The following GPM6A variants were observed in gnomAD, a reference collection of about 807,000 sequenced individuals.
GPM6A encodes the protein glycoprotein M6A, also known as neuronal membrane glycoprotein M6-a.
Under a neutral mutation model 32.1 loss-of-function variants are expected in GPM6A, and 7 were observed. That is an observed-to-expected ratio of 0.22 (90% CI 0.12 to 0.41). The LOEUF (loss-of-function observed/expected upper bound fraction) is 0.41, where lower values mean the gene tolerates loss of function less well. GPM6A is among the 10% of genes least tolerant of loss of function. The pLI is 1.00. For missense variants in GPM6A, 235 were observed against 347.2 expected, an observed-to-expected ratio of 0.68 and a Z score of 2.57; for synonymous variants, 130 against 123.4, an observed-to-expected ratio of 1.05 and a Z score of -0.35.
chr4:175,819,931 G>A (rs539396871), intron 1 of GPM6A, among the ~76,000 whole-genome samples: 2 of 152,250 alleles, frequency 1.3e-5, no homozygotes, highest in South Asian at 4.1e-4. Context: ...ACTTACGATT[G>A]AAGTTAAAAA....
intron 1 of GPM6A, among the ~76,000 whole-genome samples, chr4:175,932,105 A>G (rs1018441444): frequency 2.0e-5 from 3 of 151,600 alleles, no homozygotes; most frequent in Non-Finnish European, 4.4e-5. Context: ...TAGGAAAAAA[A>G]AAAAAAAAGA....
intron 3 of GPM6A, among the ~76,000 whole-genome samples, chr4:175,670,680 G>C (rs1560864450): frequency 6.6e-6 from 1 of 151,976 alleles, no homozygotes; most frequent in Middle Eastern, 3.4e-3. Context: ...GTGGTTTTAC[G>C]TGCCTCAAAT....
At position 175,635,086 on chromosome 4, in the gene GPM6A, G is replaced by C. The variant is rs370485100; in HGVS notation, c.685-29C>G. On this transcript the variant is annotated intron_variant, in intron 6 of 6. Coordinates refer to ENST00000393658, the MANE Select transcript of GPM6A (RefSeq NM_201591.3). The stretch of plus-strand genomic sequence containing the variant: ...ATCAAAGAGAAAAATAATTTATATT[G>C]GAAGTTTGTTCAGTGTCTTCATTAC... 7.0e-5 allele frequency: 112 copies of C among 1,592,494 alleles called. No homozygotes were observed. The African/African-American group carries it at 1.4e-3, about 20-fold the overall frequency.
chr4:175,879,789 T>G (rs112861986), intron 1 of GPM6A, among the ~76,000 whole-genome samples: 38 of 152,322 alleles, frequency 2.5e-4, no homozygotes, highest in African/African-American at 8.9e-4. Context: ...AATATTTTAG[T>G]ATATTATTTG....
rs1297682643 is a variant in GPM6A, at chr4:176,001,409, T to G, written c.-23+900A>C. On this transcript the variant is annotated intron_variant, in intron 1 of 7. Coordinates refer to the GPM6A transcript ENST00000280187. ...GATACGCCAGTCCAGGGATGGCGAG[T>G]GCTTTCTCCTCCCCAGCTTCTCCCT... is the stretch of plus-strand genomic sequence containing the variant. Among the ~76,000 whole-genome samples the G allele has an allele frequency of 4.6e-5, 7 of 152,158 alleles. No homozygotes were observed. In the East Asian group the frequency reaches 1.2e-3, roughly 25 times the overall value.
intron 1 of GPM6A, among the ~76,000 whole-genome samples, chr4:175,976,157 CT>C (rs1355808343): frequency 0.017 from 2,301 of 135,690 alleles, 46 homozygotes; most frequent in African/African-American, 0.053. Context: ...AATATGTCGT[CT>C]TTTTTTTTTT....
intron 1 of GPM6A, among the ~76,000 whole-genome samples, chr4:175,829,917 A>G (rs1169922236): frequency 1.3e-5 from 2 of 152,038 alleles, no homozygotes; most frequent in African/African-American, 4.8e-5. Context: ...TCAGATTTGG[A>G]TACTATAAGA....
At chr4:175,704,364 C>G (rs1745057636) in intron 1 of GPM6A, among the ~76,000 whole-genome samples, 1 of 151,684 alleles carries the variant, frequency 6.6e-6, no homozygotes, top group Admixed American at 6.6e-5. Context: ...CCCCCCCACC[C>G]CACACACACA....
intron 1 of GPM6A, among the ~76,000 whole-genome samples, chr4:175,803,334 C>G (rs1734553212): frequency 6.6e-6 from 1 of 152,074 alleles, no homozygotes; most frequent in Admixed American, 6.5e-5. Flanking sequence ...TAAGAAAAAA[C>G]AGTAAGATAT....
chr4:175,938,330 C>T (rs1579644813), intron 1 of GPM6A, among the ~76,000 whole-genome samples: 1 of 152,316 alleles, frequency 6.6e-6, no homozygotes, highest in East Asian at 1.9e-4. Flanking sequence ...AATTGCCACA[C>T]TGTCTTCCAC....
intron 1 of GPM6A, among the ~76,000 whole-genome samples, chr4:175,707,661 T>C (rs543371329): frequency 1.4e-4 from 22 of 152,248 alleles, no homozygotes; most frequent in African/African-American, 5.3e-4. Flanking sequence ...TATATGTGCC[T>C]TTTACTTTAT....
chr4:175,886,627 T>C (rs1194217965), intron 1 of GPM6A, among the ~76,000 whole-genome samples: 1 of 151,396 alleles, frequency 6.6e-6, no homozygotes, highest in Non-Finnish European at 1.5e-5. Context: ...AAGAACTTCA[T>C]ATAATAAAAA....
At chr4:175,805,945 G>A (rs1033935623) in intron 1 of GPM6A, 1 of 152,148 alleles carries the variant, frequency 6.6e-6, no homozygotes, top group East Asian at 1.9e-4. Flanking sequence ...GTAAGTTACT[G>A]TTGGATTAAG....
At chr4:175,726,852 C>T (rs983667173) in intron 1 of GPM6A, among the ~76,000 whole-genome samples, 1 of 151,930 alleles carries the variant, frequency 6.6e-6, no homozygotes, top group African/African-American at 2.4e-5. Context: ...AAAAATTAGC[C>T]GGGTGTGTTG....
intron 1 of GPM6A, among the ~76,000 whole-genome samples, chr4:175,866,468 T>G (rs1000219505): frequency 6.6e-6 from 1 of 152,188 alleles, no homozygotes; most frequent in African/African-American, 2.4e-5. Context: ...ATATTTTTAC[T>G]ATCACCATTC....
chr4:175,939,891 T>C (rs1739352010), intron 1 of GPM6A, among the ~76,000 whole-genome samples: 1 of 152,168 alleles, frequency 6.6e-6, no homozygotes, highest in Non-Finnish European at 1.5e-5. Flanking sequence ...TCATAAGTTT[T>C]TCCATAAGCA....
At chr4:175,691,370 G>A (rs1039750701) in intron 2 of GPM6A, among the ~76,000 whole-genome samples, 4 of 151,270 alleles carry the variant, frequency 2.6e-5, no homozygotes, top group African/African-American at 9.8e-5. Flanking sequence ...TAGACTTTCA[G>A]ACTTTGTTAC....
intron 1 of GPM6A, among the ~76,000 whole-genome samples, chr4:175,895,674 G>A (rs529960835): frequency 1.3e-5 from 2 of 152,244 alleles, no homozygotes; most frequent in East Asian, 3.9e-4. Flanking sequence ...AACTGTAGAA[G>A]ATACAATTAA....
chr4:175,765,119 C>A (rs1036788593), intron 1 of GPM6A, among the ~76,000 whole-genome samples: 3 of 151,904 alleles, frequency 2.0e-5, no homozygotes, highest in African/African-American at 7.3e-5. Flanking sequence ...GGTGATCCAC[C>A]CACCTCGGCC....
Sources: allele counts gnomAD v4.1 joint callset (sites outside exome capture counted in the v4.1 genomes callset), GRCh38; gene constraint gnomAD v4.1.1; transcripts MANE v1.5; gene names NCBI Gene and HGNC (gene_info 2026-07-23, HGNC 2026-07-21).